Variants in CDC42BPB observed in about 807,000 individuals in gnomAD.
CDC42BPB encodes CDC42 binding protein kinase beta.
Under a neutral mutation model 214.9 loss-of-function variants are expected in CDC42BPB, and 37 were observed. The observed-to-expected ratio is 0.17, with a 90% CI of 0.13 to 0.23. CDC42BPB has a LOEUF of 0.23. Among genes scored for constraint, CDC42BPB ranks in the 10% least tolerant of loss-of-function variants. The probability of loss-of-function intolerance (pLI) is 1.00; values close to 1 mark genes in which losing one functional copy is unlikely to be tolerated. For synonymous variants in CDC42BPB, 931 were observed against 884.0 expected (o/e 1.05, Z -0.94); for missense variants, 1,694 against 2,227.0 (o/e 0.76, Z 4.82).
intron 1 of CDC42BPB, 84 bp downstream of exon 1, chr14:103,056,915 C>CGGGGAGGGGCGGGCGT (rs1889013518): frequency 1.4e-6 from 1 of 739,856 alleles, no homozygotes; most frequent in African/African-American, 4.5e-5. Flanking sequence ...TCTGTCCGGG[C>CGGGGAGGGGCGGGCGT]GGGGATGGGC....
intron 18 of CDC42BPB, among the ~76,000 whole-genome samples, chr14:102,965,984 C>T (rs1485157325): frequency 6.6e-6 from 1 of 152,118 alleles, no homozygotes; most frequent in East Asian, 1.9e-4. Flanking sequence ...ACACACATCA[C>T]TAAATGAACC....
chr14:103,012,673 C>T (rs563025663), intron 1 of CDC42BPB, among the ~76,000 whole-genome samples: 2 of 152,092 alleles, frequency 1.3e-5, no homozygotes, highest in East Asian at 3.9e-4. Context: ...GATGTTGTGG[C>T]GGGTGACTGT....
At chr14:102,972,652 G>A (rs1222483684) in intron 12 of CDC42BPB, among the ~76,000 whole-genome samples, 2 of 125,862 alleles carry the variant, frequency 1.6e-5, no homozygotes, top group Admixed American at 9.7e-5. Flanking sequence ...TTGTGCCACT[G>A]CACTCCAGGC....
intron 18 of CDC42BPB, 105 bp downstream of exon 18, chr14:102,966,177 T>G (rs1016305204): frequency 7.4e-6 from 6 of 809,972 alleles, no homozygotes; most frequent in Non-Finnish European, 1.2e-5. Flanking sequence ...CAGAAGTCTC[T>G]TGCATCACTG....
chr14:103,032,266 C>T (rs947564522), intron 1 of CDC42BPB, among the ~76,000 whole-genome samples: 10 of 152,148 alleles, frequency 6.6e-5, no homozygotes, highest in East Asian at 3.8e-4. Context: ...TCTGCAACCC[C>T]GCGTGGGTGC....
rs573139799 is a variant in CDC42BPB, at chr14:103,053,655, A to G, written c.175+3344T>C. Among the ~76,000 whole-genome samples, 881 of 149,992 alleles carry G rather than the reference A, an allele frequency of 5.9e-3. 5 individuals carry two copies. The highest frequency in any genetic ancestry group is 8.5e-3 in the Non-Finnish European group (573 of 67,356). ...CGGGCGCCTGTAGTCCCAGCTACTC[A>G]GGAGGCTGAGGCAGGAGAACAACGT... On this transcript the variant is annotated intron_variant, in intron 1 of 36. Coordinates refer to ENST00000361246, the MANE Select transcript of CDC42BPB (RefSeq NM_006035.4).
At position 102,976,020 on chromosome 14, in the gene CDC42BPB, C is replaced by T; in HGVS notation, c.1250G>A (p.Ser417Asn). ...SCFSDRGSLKSIMQSNTLTKD... is the reference protein window; with the variant it reads ...SCFSDRGSLKNIMQSNTLTKD... ...GGTTAATGTGTTGGACTGCATTATG[C>T]TCTTCAGAGAGCCTCGATCAGAAAA... Residue 417 changes from serine to asparagine, a missense_variant, in exon 10 of 37, where the codon AGC (serine) becomes AAC (asparagine). Ser to Asn is a conservative substitution (Grantham distance 46, BLOSUM62 1). This residue lies in a region of CDC42BPB where 462 missense variants were observed against 513.5 expected (regional missense o/e 0.90). Coordinates refer to ENST00000361246, the MANE Select transcript of CDC42BPB (RefSeq NM_006035.4). 6.2e-7 allele frequency: 1 copy of T among 1,614,192 alleles called. No homozygotes were observed.
At chr14:102,979,182 C>G (rs925254734) in intron 8 of CDC42BPB, among the ~76,000 whole-genome samples, 8 of 151,496 alleles carry the variant, frequency 5.3e-5, no homozygotes, top group African/African-American at 1.9e-4. Flanking sequence ...GCCATCAAAG[C>G]AAGTATTCGG....
intron 1 of CDC42BPB, among the ~76,000 whole-genome samples, chr14:103,020,747 G>A (rs1478288424): frequency 6.6e-6 from 1 of 152,214 alleles, no homozygotes; most frequent in Non-Finnish European, 1.5e-5. Context: ...CGCCTTCACA[G>A]GACCACCCTG....
chr14:102,960,123 C>G (rs368267187), intron 20 of CDC42BPB, among the ~76,000 whole-genome samples: 1 of 151,846 alleles, frequency 6.6e-6, no homozygotes, highest in African/African-American at 2.4e-5. Flanking sequence ...AGGAGAATCT[C>G]GAGCCCAGGA....
At chr14:102,933,972 A>C in intron 36 of CDC42BPB, 129 bp from the exon 37 acceptor site, 2 of 1,404,016 alleles carry the variant, frequency 1.4e-6, no homozygotes, top group Admixed American at 3.9e-5. Context: ...ATGTTATGAA[A>C]ACACACACGC....
Position 102,981,176 on chromosome 14 carries a change from C to T in CDC42BPB, c.892-155G>A, listed in dbSNP as rs1328071910. ...ATCCAAAGCTAATAAATTTCCATTC[C>T]CAAAAGGCAAACAAGAAAACCAGTG... On this transcript the variant is annotated intron_variant, in intron 7 of 36. Coordinates refer to ENST00000361246, the MANE Select transcript of CDC42BPB (RefSeq NM_006035.4). 3.0e-6 allele frequency: 3 copies of T among 985,288 alleles called. No homozygotes were observed. The African/African-American group carries it at 5.2e-5, about 17-fold the overall frequency. 61.0% of individuals were successfully genotyped at this position (985,288 alleles called of 1,614,324 possible).
At position 102,974,162 on chromosome 14, in the gene CDC42BPB, G is replaced by A. The variant is rs1893624192; in HGVS notation, c.1508-13C>T. 14 of 1,612,172 alleles carry A rather than the reference G, an allele frequency of 8.7e-6. No homozygotes were observed. Among genetic ancestry groups the A allele is most frequent in the Non-Finnish European group, 1.2e-5 (14 of 1,179,446 alleles). ...AGCCTGTTTGAATCTGGACAAAAGA[G>A]GAAATAAACTCTGTTCCTTTATGTG... On this transcript the variant is annotated splice_polypyrimidine_tract_variant and intron_variant, in intron 11 of 36. Coordinates refer to ENST00000361246, the MANE Select transcript of CDC42BPB (RefSeq NM_006035.4).
intron 34 of CDC42BPB, 92 bp from the exon 35 acceptor site, chr14:102,938,503 G>C: frequency 6.8e-7 from 1 of 1,470,210 alleles, no homozygotes; most frequent in Non-Finnish European, 8.9e-7. Context: ...CTGTGGCCTC[G>C]TGACCTTGAT....
chr14:102,946,516 C>T lies in CDC42BPB; in HGVS notation c.3700G>A (p.Asp1234Asn), dbSNP rs747398820. ...QVVHVPLEAY[D>N]SSLPLIKAIL... The stretch of plus-strand genomic sequence containing the variant: ...GCCTTGATGAGAGGCAGCGAGCTGT[C>T]GTAGGCTTCCAAGGGAACATGCACG... The change falls in exon 28 of 37, where the codon GAC (aspartate) becomes AAC (asparagine). Residue 1234 changes from aspartate to asparagine, a missense_variant. This residue lies in a region of CDC42BPB where 567 missense variants were observed against 790.3 expected (regional missense o/e 0.72). Transcript: ENST00000361246. 3.1e-6 allele frequency: 5 copies of T among 1,612,646 alleles called. No homozygotes were observed. The highest frequency in any genetic ancestry group is 2.7e-5 in the African/African-American group (2 of 74,922).
intron 24 of CDC42BPB, among the ~76,000 whole-genome samples, chr14:102,951,581 G>C (rs1245585800): frequency 1.3e-5 from 2 of 152,088 alleles, no homozygotes; most frequent in Admixed American, 6.5e-5. Context: ...TTGAGGTCAG[G>C]AGTTCGAGAC....
intron 24 of CDC42BPB, among the ~76,000 whole-genome samples, chr14:102,951,722 G>A (rs1466352075): frequency 4.6e-5 from 7 of 152,094 alleles, no homozygotes; most frequent in South Asian, 2.1e-4. Flanking sequence ...GGGAGGCAGC[G>A]GTTGCAGTAA....
At position 103,001,663 on chromosome 14, in the gene CDC42BPB, C is replaced by T. The variant is rs1043087183; in HGVS notation, c.448-1950G>A. 5.9e-5 allele frequency among the ~76,000 whole-genome samples: 9 copies of T among 152,230 alleles called. No homozygotes were observed. The highest frequency in any genetic ancestry group is 2.1e-4 in the South Asian group (1 of 4,822). ...CGTGTGGAGGGCGATGCAGAGGGGGCGGTGGATGCACACTGCAGGCATTCC... is the reference window on the plus strand; with the variant it reads ...CGTGTGGAGGGCGATGCAGAGGGGGTGGTGGATGCACACTGCAGGCATTCC... On this transcript the variant is annotated intron_variant, in intron 4 of 36. Coordinates refer to ENST00000361246, the MANE Select transcript of CDC42BPB (RefSeq NM_006035.4). This position sits in a 1 kb window ranked among gnomAD's most constrained non-coding sequence, Gnocchi z 5.8.
chr14:102,953,924 G>C (rs1421898044), intron 23 of CDC42BPB, among the ~76,000 whole-genome samples: 1 of 152,216 alleles, frequency 6.6e-6, no homozygotes, highest in Non-Finnish European at 1.5e-5. Flanking sequence ...TGGGGAATGA[G>C]AGAAGGAGAG....
Sources: allele counts gnomAD v4.1 joint callset (sites outside exome capture counted in the v4.1 genomes callset), GRCh38; gene constraint gnomAD v4.1.1; regional missense constraint gnomAD v4.1.1; non-coding constraint Gnocchi (gnomAD v3.1); transcripts MANE v1.5; gene names NCBI Gene and HGNC (gene_info 2026-07-23, HGNC 2026-07-21).